Variants in PTPN3 observed in about 807,000 individuals in gnomAD.
PTPN3 encodes the protein protein tyrosine phosphatase non-receptor type 3, also known as tyrosine-protein phosphatase non-receptor type 3.
Under a neutral mutation model 132.7 loss-of-function variants are expected in PTPN3, and 96 were observed. The observed-to-expected ratio is 0.72, with a 90% CI of 0.61 to 0.86. The LOEUF is 0.86. Among genes scored for constraint, PTPN3 ranks in the 40% least tolerant of loss-of-function variants. The pLI, the probability that PTPN3 is intolerant of heterozygous loss-of-function variation, is 0.00. For synonymous variants in PTPN3, 398 were observed against 429.0 expected, an observed-to-expected ratio of 0.93 and a Z score of 0.89; for missense variants, 1,125 against 1,159.6, an observed-to-expected ratio of 0.97 and a Z score of 0.43.
chr9:109,388,859 G>A (rs542958518), intron 22 of PTPN3, among the ~76,000 whole-genome samples: 22 of 152,322 alleles, frequency 1.4e-4, no homozygotes, highest in Middle Eastern at 3.4e-3. Context: ...GGATTCTATG[G>A]AAAATGGCAC....
At chr9:109,392,638 T>G (rs1244106327) in intron 19 of PTPN3, 1 of 152,156 alleles carries the variant, frequency 6.6e-6, no homozygotes, top group African/African-American at 2.4e-5. Flanking sequence ...GGGTCTCTCT[T>G]TGTTGCCCAG....
intron 5 of PTPN3, 114 bp downstream of exon 5, chr9:109,454,382 G>A: frequency 1.2e-6 from 1 of 861,194 alleles, no homozygotes. Flanking sequence ...ATCATTGTTG[G>A]TGTAGTTACA....
Position 109,410,268 on chromosome 9 carries a change from C to T in PTPN3, c.1461G>A (p.Gly487=), listed in dbSNP as rs746947779. ...ACTGGCTGGCGTCCTCGGTGGAGCC[C>T]CCTTTGGTCACCCTGTGGAAGTCAT... ...LLDDFHRVTK[G]GSTEDASQYY... is the part of the protein sequence containing the mutation. Residue 487 remains glycine (G), a synonymous_variant, in exon 15 of 26, where the codon GGG becomes GGA. Coordinates refer to ENST00000374541, the MANE Select transcript of PTPN3 (RefSeq NM_002829.4). 7 of 1,614,032 alleles carry T rather than the reference C, an allele frequency of 4.3e-6. No homozygotes were observed. In the African/African-American group the frequency reaches 9.3e-5, roughly 22 times the overall value.
At chr9:109,426,738 C>T (rs1191326459) in intron 12 of PTPN3, among the ~76,000 whole-genome samples, 1 of 152,096 alleles carries the variant, frequency 6.6e-6, no homozygotes, top group Non-Finnish European at 1.5e-5. Flanking sequence ...CTGAGTTCAG[C>T]AGAGTTGAGG....
chr9:109,452,874 T>C (rs1845346752), intron 5 of PTPN3, among the ~76,000 whole-genome samples: 1 of 152,170 alleles, frequency 6.6e-6, no homozygotes, highest in African/African-American at 2.4e-5. Context: ...CAGAGTGTGT[T>C]ATTTAGTACT....
intron 1 of PTPN3, among the ~76,000 whole-genome samples, chr9:109,484,271 G>T (rs545422520): frequency 6.6e-6 from 1 of 152,342 alleles, no homozygotes; most frequent in East Asian, 1.9e-4. Context: ...GCATGCTGCT[G>T]TGTCACCACG....
Position 109,438,104 on chromosome 9 carries a change from C to A in PTPN3, c.587+10G>T. ...AAGTCCCCAAAGTAGGCCACCCCAG[C>A]CCCCCTCACCTGTGCTGCTCATGCA... On this transcript the variant is annotated intron_variant, in intron 8 of 25. Transcript: ENST00000374541. The A allele has an allele frequency of 6.2e-7, 1 of 1,609,368 alleles. No individual in the cohort carries two copies. Among genetic ancestry groups the A allele is most frequent in the Non-Finnish European group, 8.5e-7 (1 of 1,178,092 alleles).
the PTPN3 span, among the ~76,000 whole-genome samples, chr9:109,531,214 A>G: frequency 2.0e-5 from 3 of 152,196 alleles, no homozygotes; most frequent in African/African-American, 7.2e-5. Context: ...CCCTAACAGC[A>G]GTTTTCAATT....
the PTPN3 span, among the ~76,000 whole-genome samples, chr9:109,535,507 CT>C: frequency 5.3e-5 from 8 of 149,752 alleles, no homozygotes; most frequent in South Asian, 4.3e-4. Flanking sequence ...TACACATCCT[CT>C]TTTTTTTTTC....
intron 19 of PTPN3, among the ~76,000 whole-genome samples, chr9:109,396,151 T>C (rs1363720185): frequency 6.6e-6 from 1 of 152,198 alleles, no homozygotes; most frequent in Non-Finnish European, 1.5e-5. Context: ...CGTGAGCCAC[T>C]GCGCCTGGCC....
At chr9:109,449,269 G>A in intron 5 of PTPN3, 2 of 998,828 alleles carry the variant, frequency 2.0e-6, no homozygotes, top group Non-Finnish European at 2.4e-6. Flanking sequence ...TGAACACTGT[G>A]CCAGGATCCA....
At chr9:109,394,409 T>C (rs2131653469) in intron 19 of PTPN3, among the ~76,000 whole-genome samples, 1 of 152,058 alleles carries the variant, frequency 6.6e-6, no homozygotes, top group East Asian at 1.9e-4. Context: ...AGATTAATCC[T>C]ACTAAGATAA....
At chr9:109,421,426 A>G (rs925819947) in intron 13 of PTPN3, among the ~76,000 whole-genome samples, 2 of 152,194 alleles carry the variant, frequency 1.3e-5, no homozygotes, top group African/African-American at 4.8e-5. Flanking sequence ...ATGATTTGCA[A>G]TCCCCCTGGG....
chr9:109,438,409 A>G (rs1265944988), intron 7 of PTPN3, among the ~76,000 whole-genome samples, 175 bp from the exon 8 acceptor site: 1 of 152,236 alleles, frequency 6.6e-6, no homozygotes, highest in Non-Finnish European at 1.5e-5. Context: ...CACTTATCTG[A>G]GCCTTCACTA....
chr9:109,494,296 CT>C (rs1847586353), intron 1 of PTPN3, among the ~76,000 whole-genome samples: 2 of 152,180 alleles, frequency 1.3e-5, no homozygotes, highest in Admixed American at 1.3e-4. Flanking sequence ...CATAGTAAGA[CT>C]TTGTCTCCAC....
Position 109,454,581 on chromosome 9 carries a change from C to T in PTPN3, c.290-7G>A, listed in dbSNP as rs376241263. 9.2e-5 allele frequency: 148 copies of T among 1,608,814 alleles called. 2 individuals are homozygous for T. The highest frequency in any genetic ancestry group is 9.2e-4 in the South Asian group (83 of 90,648). ...AGGGTACAGGGGAAACCTCCTACAACATTTTTCAAAAACAAATTAAATTTT... is the reference window on the plus strand; with the variant it reads ...AGGGTACAGGGGAAACCTCCTACAATATTTTTCAAAAACAAATTAAATTTT... On this transcript the variant is annotated splice_region_variant and splice_polypyrimidine_tract_variant and intron_variant, in intron 4 of 25. Transcript: ENST00000374541.
In PTPN3 at chr9:109,383,445, T is replaced by C. The variant is rs1349383875; in HGVS notation, c.2360A>G (p.Glu787Gly). ...EDCTIAYVSREMLVTNTQTGE... is the reference protein window; with the variant it reads ...EDCTIAYVSRGMLVTNTQTGE... ...CACCTGGGTGTTTGTGACCAGCATT[T>C]CTCGGGACACATAGGCGATGGTGCA... Residue 787 changes from glutamate to glycine, a missense_variant, in exon 23 of 26, where the codon GAA becomes GGA. By Grantham distance (98) the Glu-to-Gly change is moderately conservative. Coordinates refer to ENST00000374541, the MANE Select transcript of PTPN3 (RefSeq NM_002829.4). The C allele has an allele frequency of 6.2e-7, 1 of 1,613,782 alleles. No individual in the cohort carries two copies. The highest frequency in any genetic ancestry group is 1.7e-5 in the Admixed American group (1 of 60,000).
intron 22 of PTPN3, among the ~76,000 whole-genome samples, chr9:109,389,004 G>C (rs550805161): frequency 3.9e-5 from 6 of 152,296 alleles, no homozygotes; most frequent in African/African-American, 1.4e-4. Context: ...AGTAAGGCTA[G>C]GGGAAGTGCC....
chr9:109,462,931 C>T (rs766614084), intron 2 of PTPN3, among the ~76,000 whole-genome samples: 2 of 151,434 alleles, frequency 1.3e-5, no homozygotes, highest in Non-Finnish European at 2.9e-5. Flanking sequence ...TGCAACCTGA[C>T]GTGGGCTCTA....
Sources: allele counts gnomAD v4.1 joint callset (sites outside exome capture counted in the v4.1 genomes callset), GRCh38; gene constraint gnomAD v4.1.1; transcripts MANE v1.5; gene names NCBI Gene and HGNC (gene_info 2026-07-23, HGNC 2026-07-21).